The following LGSN variants were observed in gnomAD, a reference collection of about 807,000 sequenced individuals.
LGSN encodes the protein lengsin.
In LGSN, 21 loss-of-function variants were observed where a neutral mutation model predicts 19.5. That is an observed-to-expected ratio of 1.07 (90% CI 0.76 to 1.55). LGSN has a LOEUF of 1.55. LGSN is among the 40% of genes most tolerant of loss of function. The pLI is 0.00. For missense variants in LGSN, 673 were observed against 608.5 expected (o/e 1.11, Z -1.12); for synonymous variants, 257 against 215.6 (o/e 1.19, Z -1.68).
the LGSN span, among the ~76,000 whole-genome samples, chr6:63,479,281 A>T: frequency 6.6e-6 from 1 of 152,184 alleles, no homozygotes; most frequent in Admixed American, 6.5e-5. Flanking sequence ...AGGGGAAAGG[A>T]AGTAATAGAT....
the LGSN span, among the ~76,000 whole-genome samples, chr6:63,540,605 A>G: frequency 1.3e-5 from 2 of 152,100 alleles, no homozygotes; most frequent in African/African-American, 4.8e-5. Flanking sequence ...AGCCTGAGTG[A>G]CAGATAGAGA....
the LGSN span, chr6:63,480,236 G>A: frequency 9.1e-6 from 2 of 219,914 alleles, no homozygotes; most frequent in South Asian, 8.4e-5. Context: ...ACAAGCAGAC[G>A]TGGCAGTAAT....
chr6:63,535,918 G>T, the LGSN span, among the ~76,000 whole-genome samples: 3 of 152,134 alleles, frequency 2.0e-5, no homozygotes, highest in Admixed American at 1.3e-4. Context: ...GTTTACAGGC[G>T]TGCGCCACCA....
chr6:63,312,951 G>A (rs940852575), intron 1 of LGSN, among the ~76,000 whole-genome samples: 1 of 152,122 alleles, frequency 6.6e-6, no homozygotes, highest in African/African-American at 2.4e-5. Flanking sequence ...TGGGCATATG[G>A]AATCTAAGGT....
the LGSN span, among the ~76,000 whole-genome samples, chr6:63,349,860 A>T: frequency 2.8e-4 from 42 of 152,332 alleles, no homozygotes; most frequent in East Asian, 6.6e-3. Flanking sequence ...GGGTAGGCTG[A>T]GTCCTTCTAC....
the LGSN span, among the ~76,000 whole-genome samples, chr6:63,555,502 C>T: frequency 6.6e-6 from 1 of 152,184 alleles, no homozygotes; most frequent in Non-Finnish European, 1.5e-5. Flanking sequence ...AGTATTACTA[C>T]TGCCAGTGTA....
chr6:63,438,946 G>A, the LGSN span, among the ~76,000 whole-genome samples: 4 of 152,108 alleles, frequency 2.6e-5, no homozygotes, highest in Non-Finnish European at 4.4e-5. Context: ...AAAGACTTGG[G>A]ACCAACACAA....
At chr6:63,476,605 C>A in the LGSN span, among the ~76,000 whole-genome samples, 1 of 152,208 alleles carries the variant, frequency 6.6e-6, no homozygotes, top group Non-Finnish European at 1.5e-5. Context: ...CACCTACATG[C>A]TGTTTCTCCA....
At chr6:63,405,899 T>G in the LGSN span, among the ~76,000 whole-genome samples, 5 of 152,004 alleles carry the variant, frequency 3.3e-5, no homozygotes, top group South Asian at 1.0e-3. Context: ...AAAACAGACT[T>G]TAAACCAACA....
the LGSN span, among the ~76,000 whole-genome samples, chr6:63,423,754 C>T: frequency 2.6e-5 from 4 of 152,090 alleles, no homozygotes; most frequent in East Asian, 7.7e-4. Context: ...ACTGATAGAA[C>T]TGACCAGGCA....
chr6:63,365,749 T>G, the LGSN span, among the ~76,000 whole-genome samples: 2 of 152,120 alleles, frequency 1.3e-5, no homozygotes, highest in South Asian at 4.1e-4. Context: ...ACAATTAAGT[T>G]GGCTTCATCC....
At chr6:63,457,422 T>C in the LGSN span, among the ~76,000 whole-genome samples, 1 of 152,124 alleles carries the variant, frequency 6.6e-6, no homozygotes, top group African/African-American at 2.4e-5. Flanking sequence ...CAAGAATCAC[T>C]TTAACCCAGG....
At chr6:63,423,796 G>C in the LGSN span, among the ~76,000 whole-genome samples, 1 of 152,134 alleles carries the variant, frequency 6.6e-6, no homozygotes, top group East Asian at 1.9e-4. Flanking sequence ...CCAACACTTT[G>C]GGGGGCCGAG....
At chr6:63,431,795 A>C in the LGSN span, among the ~76,000 whole-genome samples, 8 of 152,134 alleles carry the variant, frequency 5.3e-5, no homozygotes, top group East Asian at 1.5e-3. Flanking sequence ...GGCCGGGTGC[A>C]GTGGCTCATG....
the LGSN span, among the ~76,000 whole-genome samples, chr6:63,436,332 C>T: frequency 6.6e-6 from 1 of 152,136 alleles, no homozygotes; most frequent in Non-Finnish European, 1.5e-5. Flanking sequence ...AATCTCCTGA[C>T]CTCAGGTGAT....
chr6:63,316,052 C>T (rs1430611716), intron 1 of LGSN, among the ~76,000 whole-genome samples: 2 of 152,032 alleles, frequency 1.3e-5, no homozygotes, highest in East Asian at 1.9e-4. Context: ...TGTTGAGTTT[C>T]TCATCTCCAA....
the LGSN span, among the ~76,000 whole-genome samples, chr6:63,425,006 A>AT: frequency 6.6e-6 from 1 of 152,232 alleles, no homozygotes; most frequent in Non-Finnish European, 1.5e-5. Flanking sequence ...ACTGATGGCT[A>AT]TAAGCACATG....
chr6:63,537,079 T>C, the LGSN span, among the ~76,000 whole-genome samples: 10 of 152,126 alleles, frequency 6.6e-5, no homozygotes, highest in Non-Finnish European at 1.5e-4. Context: ...ATTAAATATT[T>C]TTAGAAACTA....
chr6:63,456,375 A>ACTTTTTTTTTTTTTT, the LGSN span, among the ~76,000 whole-genome samples: 1 of 37,354 alleles, frequency 2.7e-5, no homozygotes, highest in Non-Finnish European at 8.3e-5. Flanking sequence ...ATATATATAT[A>ACTTTTTTTTTTTTTT]TATATATATA....
Sources: allele counts gnomAD v4.1 joint callset (sites outside exome capture counted in the v4.1 genomes callset), GRCh38; gene constraint gnomAD v4.1.1; transcripts MANE v1.5; gene names NCBI Gene and HGNC (gene_info 2026-07-23, HGNC 2026-07-21).